Variants in KCNIP1 observed in about 807,000 individuals in gnomAD.
KCNIP1 encodes A-type potassium channel modulatory protein KCNIP1.
KCNIP1 carries 18 observed loss-of-function variants against 33.0 expected under a neutral mutation model. The observed-to-expected ratio is 0.55, with a 90% CI of 0.38 to 0.81. The LOEUF (loss-of-function observed/expected upper bound fraction) is 0.81. KCNIP1 is among the 30% of genes least tolerant of loss of function. KCNIP1 has a pLI of 0.00. For missense variants in KCNIP1, 238 were observed against 271.6 expected (o/e 0.88, Z 0.87); for synonymous variants, 93 against 98.3 (o/e 0.95, Z 0.32).
At chr5:170,393,957 T>G (rs1754685253) in intron 1 of KCNIP1, among the ~76,000 whole-genome samples, 1 of 152,194 alleles carries the variant, frequency 6.6e-6, no homozygotes. Context: ...AAAATGCTTT[T>G]TCCTTAGTGC....
Position 170,504,105 on chromosome 5 carries a change from ATTCATGATT to A in KCNIP1, c.-467_-459del. The A allele has an allele frequency of 8.1e-6, 8 of 986,752 alleles. No homozygotes were observed. The highest frequency in any genetic ancestry group is 9.6e-6 in the Non-Finnish European group (8 of 831,222). The allele number at this position is 986,752 out of a possible 1,614,324, so 61.1% of individuals were successfully genotyped here. ...GCGCCGCGCGGTCCGGGCTCTGTTC[ATTCATGATT>A]GGTACTCGGCCCTCCGAGACCCAGC... On this transcript the variant is annotated 5_prime_UTR_variant, in exon 1 of 8. The change abolishes an upstream ATG in the 5' untranslated region. Coordinates refer to ENST00000328939, the MANE Select transcript of KCNIP1 (RefSeq NM_014592.4). This position sits in a 1 kb window ranked among gnomAD's most constrained non-coding sequence, Gnocchi z 6.0.
At chr5:170,561,998 A>G (rs1258197550) in intron 1 of KCNIP1, among the ~76,000 whole-genome samples, 2 of 152,338 alleles carry the variant, frequency 1.3e-5, no homozygotes, top group South Asian at 4.1e-4. Flanking sequence ...TTAACATACA[A>G]TGAGGTTATG....
Position 170,593,841 on chromosome 5 carries a change from T to C in KCNIP1, c.61+89208T>C, listed in dbSNP as rs560918496. ...GGGGCTGGAGTTTGGGGATACATGT[T>C]TGGGGGCCTTCCCTTCCCAGCTATT... On this transcript the variant is annotated intron_variant, in intron 1 of 7. Coordinates refer to ENST00000328939, the MANE Select transcript of KCNIP1 (RefSeq NM_014592.4). Among the ~76,000 whole-genome samples, 64 of 152,072 alleles carry C rather than the reference T, an allele frequency of 4.2e-4. 1 individual carries two copies. The highest frequency in any genetic ancestry group is 5.9e-4 in the Admixed American group (9 of 15,272).
chr5:170,438,483 TA>T (rs1755915860), intron 1 of KCNIP1, among the ~76,000 whole-genome samples: 1 of 152,154 alleles, frequency 6.6e-6, no homozygotes, highest in South Asian at 2.1e-4. Flanking sequence ...GGGAGCTTTC[TA>T]AAATAAAATT....
At chr5:170,425,870 A>G (rs767084281) in intron 1 of KCNIP1, among the ~76,000 whole-genome samples, 6 of 152,172 alleles carry the variant, frequency 3.9e-5, no homozygotes, top group Non-Finnish European at 7.4e-5. Flanking sequence ...TGACCATCCT[A>G]CTGCTTCCTG....
intron 1 of KCNIP1, among the ~76,000 whole-genome samples, chr5:170,393,267 A>G (rs1163691192): frequency 6.6e-6 from 1 of 152,188 alleles, no homozygotes; most frequent in Non-Finnish European, 1.5e-5. Flanking sequence ...TCTCTGGATT[A>G]TGCACCTGCT....
At chr5:170,373,473 G>A (rs1371178266) in intron 1 of KCNIP1, among the ~76,000 whole-genome samples, 1 of 152,094 alleles carries the variant, frequency 6.6e-6, no homozygotes, top group African/African-American at 2.4e-5. Context: ...TGGTGTATAT[G>A]GGTTATATCT....
intron 1 of KCNIP1, among the ~76,000 whole-genome samples, chr5:170,380,253 G>T (rs970794876): frequency 2.6e-5 from 4 of 152,226 alleles, no homozygotes; most frequent in African/African-American, 9.7e-5. Context: ...AGCTGCAAGT[G>T]TGGTGCCCCC....
chr5:170,712,787 G>A, intron 1 of KCNIP1: 1 of 1,505,022 alleles, frequency 6.6e-7, no homozygotes. Context: ...TCTCTCCATT[G>A]ACAATAAAAG....
rs114075052 is a variant in KCNIP1 at position 170,733,022 on chromosome 5, A to T, written c.540+118A>T. ...TACTAAGCATGGTTGGTAACAGAAA[A>T]GAATTATAAGATACATTGTCCTCAA... On this transcript the variant is annotated intron_variant, in intron 6 of 7. Transcript: ENST00000328939. 1.0e-3 allele frequency: 620 copies of T among 612,828 alleles called. 1 individual carries two copies. In the African/African-American group the frequency reaches 0.01, roughly 10 times the overall value. The allele number at this position is 612,828 out of a possible 1,614,324, so 38.0% of individuals were successfully genotyped here.
At chr5:170,423,575 A>G (rs1755544356) in intron 1 of KCNIP1, among the ~76,000 whole-genome samples, 1 of 152,322 alleles carries the variant, frequency 6.6e-6, no homozygotes, top group South Asian at 2.1e-4. Context: ...AAACAAAACC[A>G]AAAACCCCAC....
At position 170,606,694 on chromosome 5, in the gene KCNIP1, C is replaced by T. The variant is rs551768037; in HGVS notation, c.61+102061C>T. ...CACATGTGCGACCTCATCCGATCCTCATAGTAACACTTACTAAAATTCTTA... is the reference window on the plus strand; with the variant it reads ...CACATGTGCGACCTCATCCGATCCTTATAGTAACACTTACTAAAATTCTTA... On this transcript the variant is annotated intron_variant, in intron 1 of 7. Coordinates refer to ENST00000328939, the MANE Select transcript of KCNIP1 (RefSeq NM_014592.4). 3.3e-5 allele frequency among the ~76,000 whole-genome samples: 5 copies of T among 152,294 alleles called. No homozygotes were observed. In the South Asian group the frequency reaches 6.2e-4, roughly 19 times the overall value.
chr5:170,677,487 C>A (rs545865078), intron 1 of KCNIP1, among the ~76,000 whole-genome samples: 2 of 152,152 alleles, frequency 1.3e-5, no homozygotes, highest in Non-Finnish European at 2.9e-5. Context: ...AGTGACTTAT[C>A]GTGGTCACAC....
intron 1 of KCNIP1, among the ~76,000 whole-genome samples, chr5:170,538,947 C>T (rs1031438054): frequency 6.6e-6 from 1 of 152,152 alleles, no homozygotes; most frequent in Non-Finnish European, 1.5e-5. Flanking sequence ...CCCTGAACTG[C>T]TGCTAGCCCC....
In KCNIP1 at chr5:170,474,367, G is replaced by C. The variant is rs191141103; in HGVS notation, c.88+120403G>C. Among the ~76,000 whole-genome samples the C allele has an allele frequency of 1.1e-3, 175 of 152,250 alleles. 1 individual carries two copies. The highest frequency in any genetic ancestry group is 4.0e-3 in the African/African-American group (167 of 41,544). On this transcript the variant is annotated intron_variant, in intron 1 of 7. Coordinates refer to the KCNIP1 transcript ENST00000377360. The stretch of plus-strand genomic sequence containing the variant: ...CATCTGGCCCTACTTTGAGTCTCAT[G>C]TATTGTGGGAACCCCCGCCCCCCAT...
intron 1 of KCNIP1, among the ~76,000 whole-genome samples, chr5:170,702,617 G>C (rs561240808): frequency 6.6e-6 from 1 of 152,136 alleles, no homozygotes; most frequent in Non-Finnish European, 1.5e-5. Flanking sequence ...AGTGGAATTT[G>C]GTCCCTGACT....
At chr5:170,624,822 C>CTCACA (rs1177427206) in intron 1 of KCNIP1, among the ~76,000 whole-genome samples, 2 of 151,784 alleles carry the variant, frequency 1.3e-5, no homozygotes, top group Non-Finnish European at 2.9e-5. Context: ...CCTTTCCTTC[C>CTCACA]TCACCATCCT....
chr5:170,367,393 GAAA>G (rs1375216927), intron 1 of KCNIP1, among the ~76,000 whole-genome samples: 33 of 120,554 alleles, frequency 2.7e-4, no homozygotes, highest in Non-Finnish European at 3.6e-4. Flanking sequence ...AAGAAAGAAA[GAAA>G]GAAAGAAAGA....
rs1362409408 is a variant in KCNIP1 at position 170,681,208 on chromosome 5, T to C, written c.62-37550T>C. The C allele has an allele frequency of 1.0e-5, 4 of 399,060 alleles. No individual in the cohort carries two copies. The East Asian group carries it at 1.4e-4, about 14-fold the overall frequency. 24.7% of individuals were successfully genotyped at this position (399,060 alleles called of 1,614,324 possible). On this transcript the variant is annotated intron_variant, in intron 1 of 7. Coordinates refer to ENST00000328939, the MANE Select transcript of KCNIP1 (RefSeq NM_014592.4). ...CGAACCCTGGAGCTTCCCCGTTTTC[T>C]GTGAATGTGTTTTTGTGGCTTCGGT...
Sources: gnomAD v4.1 joint callset for allele counts (sites outside exome capture counted in the v4.1 genomes callset) on GRCh38, gnomAD v4.1.1 for gene constraint, Gnocchi (gnomAD v3.1) non-coding constraint, MANE v1.5 for transcripts, NCBI Gene and HGNC (gene_info 2026-07-23, HGNC 2026-07-21) for gene names.